TBC1D25: variants seen among roughly 807,000 people sequenced by gnomAD.
TBC1D25 encodes TBC1 domain family member 25, also known as 5SN3 snoRNA.
In TBC1D25, 13 loss-of-function variants were observed where a neutral mutation model predicts 38.8. The observed-to-expected ratio is 0.34, with a 90% CI of 0.22 to 0.53. The LOEUF (loss-of-function observed/expected upper bound fraction) is 0.53. Among genes scored for constraint, TBC1D25 ranks in the 20% least tolerant of loss-of-function variants. The probability of loss-of-function intolerance (pLI) is 0.94; values close to 1 mark genes in which losing one functional copy is unlikely to be tolerated. For synonymous variants in TBC1D25, 225 were observed against 255.6 expected, an observed-to-expected ratio of 0.88 and a Z score of 1.14; for missense variants, 372 against 600.0, an observed-to-expected ratio of 0.62 and a Z score of 3.97.
chrX:48,544,582 A>C (rs2061867870), intron 2 of TBC1D25, among the ~76,000 whole-genome samples: 1 of 111,060 alleles, frequency 9.0e-6, no homozygotes, highest in African/African-American at 3.3e-5. Flanking sequence ...CGGCCTCCCA[A>C]AGTGCGGAGA....
At chrX:48,558,343 G>A (rs1385977970) in intron 3 of TBC1D25, among the ~76,000 whole-genome samples, 1 of 111,359 alleles carries the variant, frequency 9.0e-6, no homozygotes, top group Non-Finnish European at 1.9e-5. Context: ...GAGGAGGACT[G>A]GCAAAAATAT....
chrX:48,547,794 C>T (rs1382228995), intron 3 of TBC1D25, among the ~76,000 whole-genome samples: 3 of 110,077 alleles, frequency 2.7e-5, no homozygotes, highest in Non-Finnish European at 3.8e-5. Context: ...AGAAATTAGC[C>T]GGGCGTGGTG....
chrX:48,555,690 C>T (rs1297683466), intron 3 of TBC1D25, among the ~76,000 whole-genome samples: 2 of 110,999 alleles, frequency 1.8e-5, no homozygotes, highest in African/African-American at 6.5e-5. Flanking sequence ...TCTCTGAGTT[C>T]CCTCAGTATT....
At chrX:48,558,381 T>C (rs1556984979) in intron 3 of TBC1D25, among the ~76,000 whole-genome samples, 1 of 111,605 alleles carries the variant, frequency 9.0e-6, no homozygotes, top group Non-Finnish European at 1.9e-5. Context: ...CTCTTGAGCT[T>C]GGGCCTGGCC....
At chrX:48,545,754 G>A (rs1217864758) in intron 3 of TBC1D25, among the ~76,000 whole-genome samples, 1 of 112,261 alleles carries the variant, frequency 8.9e-6, no homozygotes, top group Non-Finnish European at 1.9e-5. Flanking sequence ...CACAGACTGA[G>A]GAATTTGTAA....
In TBC1D25 at chrX:48,560,715, A is replaced by G; in HGVS notation, c.1807A>G (p.Met603Val). ...AAAGTCCCTGCCACCTGTACCACCA[A>G]TGGGCCTGCCCCCACCCCAGGAGTT... is the stretch of plus-strand genomic sequence containing the variant. ...PGKSLPPVPP[M>V]GLPPPQEFGR... The change falls in exon 6 of 6, where the codon ATG (methionine) becomes GTG (valine). Residue 603 changes from methionine to valine, a missense_variant. Met to Val is a conservative substitution (Grantham distance 21). This residue lies in a region of TBC1D25 where 312 missense variants were observed against 549.3 expected (regional missense o/e 0.57). Transcript: ENST00000376771. 1 of 1,211,680 alleles carries G rather than the reference A, an allele frequency of 8.3e-7. No individual in the cohort carries two copies. The highest frequency in any genetic ancestry group is 1.8e-5 in the South Asian group (1 of 56,967).
chrX:48,549,297 A>G (rs1399513575), intron 3 of TBC1D25, among the ~76,000 whole-genome samples: 1 of 112,274 alleles, frequency 8.9e-6, no homozygotes, highest in Non-Finnish European at 1.9e-5. Flanking sequence ...CGGCCTCTCA[A>G]AGTGTTTGGA....
chrX:48,559,499 A>C, intron 5 of TBC1D25, 115 bp from the exon 6 acceptor site: 1 of 1,082,058 alleles, frequency 9.2e-7, no homozygotes, highest in East Asian at 3.2e-5. Context: ...TCGGAGGCCT[A>C]GCAGACTTAG....
intron 2 of TBC1D25, among the ~76,000 whole-genome samples, chrX:48,544,427 C>T (rs1342284403): frequency 9.2e-6 from 1 of 108,793 alleles, no homozygotes; most frequent in Non-Finnish European, 1.9e-5. Flanking sequence ...AAGCGATTCT[C>T]CTGCCTCAGC....
intron 2 of TBC1D25, among the ~76,000 whole-genome samples, chrX:48,543,839 G>A (rs1227951582): frequency 2.5e-4 from 25 of 102,012 alleles, no homozygotes; most frequent in South Asian, 4.6e-4. Flanking sequence ...AGCCGAGATC[G>A]CACCATTGCA....
intron 3 of TBC1D25, among the ~76,000 whole-genome samples, chrX:48,547,478 G>T (rs1266246961): frequency 9.0e-6 from 1 of 111,722 alleles, no homozygotes. Context: ...TTCCTCACCT[G>T]TTAAAGAGAC....
intron 2 of TBC1D25, 66 bp from the exon 3 acceptor site, chrX:48,544,803 G>A (rs1759658683): frequency 4.3e-6 from 5 of 1,168,736 alleles, no homozygotes; most frequent in Non-Finnish European, 4.6e-6. Flanking sequence ...TCCTTGTTTT[G>A]GAAACTGTCC....
At chrX:48,541,185 C>T in intron 1 of TBC1D25, 148 bp from the exon 2 acceptor site, 1 of 510,854 alleles carries the variant, frequency 2.0e-6, no homozygotes, top group Non-Finnish European at 3.5e-6. Context: ...TTGCAGTAGC[C>T]TCCTCCTCAC....
intron 2 of TBC1D25, 86 bp downstream of exon 2, chrX:48,541,528 T>C: frequency 1.1e-6 from 1 of 889,644 alleles, no homozygotes; most frequent in East Asian, 3.1e-5. Flanking sequence ...GGTTTTTGTT[T>C]ATTTTACTAC....
chrX:48,556,920 G>A (rs1224197772), intron 3 of TBC1D25, among the ~76,000 whole-genome samples: 1 of 109,914 alleles, frequency 9.1e-6, no homozygotes, highest in Non-Finnish European at 1.9e-5. Flanking sequence ...GAAAGAATGC[G>A]GGGCAAAATG....
chrX:48,552,125 T>C (rs142182523), intron 3 of TBC1D25, among the ~76,000 whole-genome samples: 1,773 of 111,762 alleles, frequency 0.016, 21 homozygotes, highest in Middle Eastern at 0.068. Flanking sequence ...GGTATGTCTC[T>C]CATACCTCTC....
intron 3 of TBC1D25, among the ~76,000 whole-genome samples, chrX:48,553,009 T>G (rs1174035607): frequency 1.8e-5 from 2 of 108,424 alleles, no homozygotes; most frequent in African/African-American, 6.7e-5. Context: ...AGGCTGGTCT[T>G]GAACTCCTGA....
rs1556986095 is a variant in TBC1D25 at position 48,560,753 on chromosome X, C to T, written c.1845C>T (p.Asn615=). 1 of 1,211,254 alleles carries T rather than the reference C, an allele frequency of 8.3e-7. No individual in the cohort carries two copies. The highest frequency in any genetic ancestry group is 2.2e-5 in the Admixed American group (1 of 46,033). The change falls in exon 6 of 6, where the codon AAC becomes AAT. Residue 615 remains asparagine, a synonymous_variant. Coordinates refer to ENST00000376771, the MANE Select transcript of TBC1D25 (RefSeq NM_002536.4). ...LPPPQEFGRG[N]PFMLFLCLAI... is the part of the protein sequence containing the mutation. Reference sequence around the variant, plus strand: ...CACCCCAGGAGTTTGGCCGGGGGAACCCATTCATGCTGTTCCTCTGCCTGG... The same window carrying T: ...CACCCCAGGAGTTTGGCCGGGGGAATCCATTCATGCTGTTCCTCTGCCTGG...
chrX:48,541,134 T>C lies in TBC1D25; in HGVS notation c.124-199T>C, dbSNP rs182954461. Among the ~76,000 whole-genome samples, 48 of 111,888 alleles carry C rather than the reference T, an allele frequency of 4.3e-4. No individual in the cohort carries two copies. In the East Asian group the frequency reaches 6.5e-3, roughly 15 times the overall value. ...CTGGACACGGTGATTCTGGCAACCA[T>C]AGTTGAAGGGATATAGAAGAAGGAT... is the stretch of plus-strand genomic sequence containing the variant. On this transcript the variant is annotated intron_variant, in intron 1 of 5. Transcript: ENST00000376771.
Sources: allele counts gnomAD v4.1 joint callset (sites outside exome capture counted in the v4.1 genomes callset), GRCh38; gene constraint gnomAD v4.1.1; regional missense constraint gnomAD v4.1.1; transcripts MANE v1.5; gene names NCBI Gene and HGNC (gene_info 2026-07-23, HGNC 2026-07-21).